Variants in PCDH11X observed in about 807,000 individuals in gnomAD.
PCDH11X encodes the protein protocadherin-11 X-linked.
A neutral mutation model predicts 53.3 loss-of-function variants in PCDH11X; 18 were observed. The ratio of observed to expected loss-of-function variants is 0.34; its 90% CI spans 0.23 to 0.50. PCDH11X has a LOEUF of 0.50. Ranked by LOEUF, PCDH11X falls within the 20% of genes least tolerant of loss-of-function variation. PCDH11X has a pLI of 0.98. For missense variants in PCDH11X, 570 were observed against 1,032.4 expected (o/e 0.55, Z 6.14); for synonymous variants, 279 against 393.3 (o/e 0.71, Z 3.44).
At chrX:92,151,236 A>C (rs2065428257) in intron 6 of PCDH11X, among the ~76,000 whole-genome samples, 1 of 110,265 alleles carries the variant, frequency 9.1e-6, no homozygotes, top group Admixed American at 9.7e-5. Flanking sequence ...CCTGTCACCC[A>C]GGCTGGAGTG....
At chrX:92,404,324 T>C (rs1440392101) in intron 9 of PCDH11X, among the ~76,000 whole-genome samples, 1 of 107,155 alleles carries the variant, frequency 9.3e-6, no homozygotes, top group African/African-American at 3.4e-5. Flanking sequence ...TTCAAAGAAA[T>C]GTAAGGATAT....
At chrX:92,408,682 A>G (rs2071577857) in intron 9 of PCDH11X, among the ~76,000 whole-genome samples, 2 of 110,950 alleles carry the variant, frequency 1.8e-5, no homozygotes, top group African/African-American at 6.6e-5. Flanking sequence ...TCTCGGGTTC[A>G]CGCCATTCTC....
intron 6 of PCDH11X, among the ~76,000 whole-genome samples, chrX:92,003,584 G>A (rs1400328585): frequency 2.1e-5 from 2 of 93,522 alleles, no homozygotes; most frequent in African/African-American, 7.9e-5. Flanking sequence ...CTATTGATCT[G>A]TTCAGATTTT....
At chrX:92,533,207 C>T (rs1390251888) in intron 10 of PCDH11X, among the ~76,000 whole-genome samples, 1 of 111,199 alleles carries the variant, frequency 9.0e-6, no homozygotes, top group African/African-American at 3.3e-5. Flanking sequence ...AGCCATAATA[C>T]TTGTGATGTT....
At position 92,019,716 on chromosome X, in the gene PCDH11X, C is replaced by T. The variant is rs12833922; in HGVS notation, c.3033+140443C>T. The stretch of plus-strand genomic sequence containing the variant: ...GGGACACAGCTAAGGCAGTGTTTAG[C>T]GGGAAACTTATAGCACTAAACGCCC... On this transcript the variant is annotated intron_variant, in intron 6 of 10. Coordinates refer to ENST00000682573, the MANE Select transcript of PCDH11X (RefSeq NM_032968.5). Among the ~76,000 whole-genome samples, 12 of 111,903 alleles carry T rather than the reference C, an allele frequency of 1.1e-4. No individual in the cohort carries two copies. The East Asian group carries it at 2.8e-3, about 26-fold the overall frequency.
intron 10 of PCDH11X, among the ~76,000 whole-genome samples, chrX:92,617,843 GCTAA>G (rs912791244): frequency 4.5e-5 from 5 of 110,344 alleles, no homozygotes; most frequent in African/African-American, 1.3e-4. Flanking sequence ...TTTATTATTA[GCTAA>G]CTATTTTTTA....
intron 6 of PCDH11X, among the ~76,000 whole-genome samples, chrX:92,055,604 G>A (rs904337650): frequency 2.7e-5 from 3 of 110,284 alleles, no homozygotes; most frequent in African/African-American, 9.9e-5. Context: ...GTGCAGGTTT[G>A]TAACATAGGT....
chrX:92,584,049 TA>T (rs1210376933), intron 10 of PCDH11X, among the ~76,000 whole-genome samples: 40 of 110,622 alleles, frequency 3.6e-4, no homozygotes, highest in Non-Finnish European at 7.0e-4. Context: ...ATGAAATAAA[TA>T]AAAAAGTAAG....
Position 91,947,200 on chromosome X carries a change from T to G in PCDH11X, c.3033+67927T>G, listed in dbSNP as rs1482019820. On this transcript the variant is annotated intron_variant, in intron 6 of 10. Transcript: ENST00000682573. ...GTGCAAGCTAGGGGAAAGTTTGTGT[T>G]GGGGGGGTGCAGCAGTCTAAAAAAT... Among the ~76,000 whole-genome samples the G allele has an allele frequency of 8.3e-5, 9 of 108,657 alleles. No individual in the cohort carries two copies. In the Admixed American group the frequency reaches 9.0e-4, roughly 11 times the overall value. The allele number at this position is 108,657 out of a possible 115,157, so 94.4% of individuals were successfully genotyped here. A position where few individuals can be genotyped will look rare whatever the true frequency, so the allele number is the denominator to read the frequency against.
chrX:92,360,457 G>A (rs749529589), intron 8 of PCDH11X, among the ~76,000 whole-genome samples: 9 of 110,240 alleles, frequency 8.2e-5, no homozygotes, highest in South Asian at 7.6e-4. Context: ...TTATTTTCTC[G>A]AAATTGGTCC....
chrX:92,606,777 G>A (rs6615428), intron 10 of PCDH11X, among the ~76,000 whole-genome samples: 49 of 111,473 alleles, frequency 4.4e-4, no homozygotes, highest in African/African-American at 1.6e-3. Context: ...TATCTTATAA[G>A]AGTCTTATAT....
chrX:92,507,806 T>C (rs1353895563), intron 10 of PCDH11X, among the ~76,000 whole-genome samples: 1 of 90,209 alleles, frequency 1.1e-5, no homozygotes, highest in Non-Finnish European at 2.2e-5. Context: ...AATATTAATA[T>C]TGAACCACAG....
intron 10 of PCDH11X, among the ~76,000 whole-genome samples, chrX:92,528,055 C>T (rs1313608264): frequency 2.7e-5 from 3 of 111,533 alleles, no homozygotes; most frequent in African/African-American, 6.5e-5. Context: ...TTCCCAAACA[C>T]GAGTCATAAA....
chrX:92,587,237 G>A (rs1435032398), intron 10 of PCDH11X, among the ~76,000 whole-genome samples: 1 of 110,899 alleles, frequency 9.0e-6, no homozygotes, highest in African/African-American at 3.3e-5. Flanking sequence ...TACATTAAAT[G>A]GAACAGTTTG....
At chrX:92,281,405 A>G (rs2068249385) in intron 8 of PCDH11X, among the ~76,000 whole-genome samples, 1 of 111,920 alleles carries the variant, frequency 8.9e-6, no homozygotes, top group Non-Finnish European at 1.9e-5. Context: ...TGCACTGGGG[A>G]AAAATTGCCA....
chrX:92,397,105 T>C (rs1303328328), intron 9 of PCDH11X, among the ~76,000 whole-genome samples: 1 of 49,046 alleles, frequency 2.0e-5, no homozygotes, highest in Admixed American at 3.2e-4. Flanking sequence ...AAAAATATTT[T>C]GAGAAGAATA....
At position 92,387,048 on chromosome X, in the gene PCDH11X, A is replaced by G. The variant is rs766015616; in HGVS notation, c.3145-687A>G. Among the ~76,000 whole-genome samples the G allele has an allele frequency of 4.6e-4, 47 of 103,287 alleles. No individual in the cohort carries two copies. The East Asian group carries it at 0.014, about 30-fold the overall frequency. 89.7% of individuals were successfully genotyped at this position (103,287 alleles called of 115,157 possible). On this transcript the variant is annotated intron_variant, in intron 8 of 10. Coordinates refer to ENST00000682573, the MANE Select transcript of PCDH11X (RefSeq NM_032968.5). ...TACAAACTTCTTCTTTCGGAAACCA[A>G]ATGCTTCATCTTTATCTTTTTATTT...
chrX:91,802,435 G>A (rs1302344091), intron 1 of PCDH11X, among the ~76,000 whole-genome samples: 1 of 111,373 alleles, frequency 9.0e-6, no homozygotes, highest in Non-Finnish European at 1.9e-5. Flanking sequence ...TCTCAAATAA[G>A]AAATTTATCT....
intron 8 of PCDH11X, among the ~76,000 whole-genome samples, chrX:92,387,339 A>T (rs2071031058): frequency 8.9e-6 from 1 of 112,327 alleles, no homozygotes. Context: ...CAGATACAGC[A>T]AAAAAGTATG....
Sources: allele counts gnomAD v4.1 joint callset (sites outside exome capture counted in the v4.1 genomes callset), GRCh38; gene constraint gnomAD v4.1.1; transcripts MANE v1.5; gene names NCBI Gene and HGNC (gene_info 2026-07-23, HGNC 2026-07-21).